The following PDE4D variants were observed in gnomAD, a reference collection of about 807,000 sequenced individuals.
PDE4D encodes phosphodiesterase 4D.
Under a neutral mutation model 87.4 loss-of-function variants are expected in PDE4D, and 24 were observed. The ratio of observed to expected loss-of-function variants is 0.27; its 90% CI spans 0.20 to 0.39. The LOEUF (loss-of-function observed/expected upper bound fraction) is 0.39, where lower values mean the gene tolerates loss of function less well. Ranked by LOEUF, PDE4D falls within the 10% of genes least tolerant of loss-of-function variation. The pLI, the probability that PDE4D is intolerant of heterozygous loss-of-function variation, is 1.00. For synonymous variants in PDE4D, 384 were observed against 383.2 expected (o/e 1.00, Z -0.02); for missense variants, 714 against 1,041.0 (o/e 0.69, Z 4.32).
At chr5:60,366,043 C>CAAAA (rs201694311) in intron 1 of PDE4D, among the ~76,000 whole-genome samples, 1 of 70,720 alleles carries the variant, frequency 1.4e-5, no homozygotes, top group African/African-American at 5.2e-5. Flanking sequence ...GACTCTGTCT[C>CAAAA]AAAAAAAAAA....
rs532104053 is a variant in PDE4D at position 59,524,162 on chromosome 5, T to C, written c.456-308194A>G. On this transcript the variant is annotated intron_variant, in intron 1 of 14. Coordinates refer to ENST00000340635, the MANE Select transcript of PDE4D (RefSeq NM_001104631.2). Reference sequence around the variant, plus strand: ...GGTAACAGGCAGAGGTTGGAACAGTTTGGAGGCCTCAGAAGAAGACAGGAA... The same window carrying C: ...GGTAACAGGCAGAGGTTGGAACAGTCTGGAGGCCTCAGAAGAAGACAGGAA... Among the ~76,000 whole-genome samples the C allele has an allele frequency of 5.9e-5, 9 of 152,246 alleles. No individual in the cohort carries two copies. The South Asian group carries it at 1.7e-3, about 28-fold the overall frequency.
intron 1 of PDE4D, among the ~76,000 whole-genome samples, chr5:60,332,377 T>G (rs1200128240): frequency 6.6e-6 from 1 of 152,138 alleles, no homozygotes; most frequent in Non-Finnish European, 1.5e-5. Context: ...GTTTCCATCT[T>G]TATGTCTGTG....
intron 1 of PDE4D, among the ~76,000 whole-genome samples, chr5:59,548,878 T>A (rs1220934424): frequency 6.6e-6 from 1 of 152,140 alleles, no homozygotes; most frequent in Non-Finnish European, 1.5e-5. Flanking sequence ...CCACTAGAAC[T>A]TTTTTCTGCT....
At chr5:59,570,126 C>T (rs1821582306) in intron 1 of PDE4D, among the ~76,000 whole-genome samples, 1 of 152,178 alleles carries the variant, frequency 6.6e-6, no homozygotes, top group Non-Finnish European at 1.5e-5. Flanking sequence ...CCTGTGATGA[C>T]ACAGTCAGTG....
intron 1 of PDE4D, among the ~76,000 whole-genome samples, chr5:60,395,034 C>A (rs1282651382): frequency 6.6e-6 from 1 of 152,168 alleles, no homozygotes; most frequent in Non-Finnish European, 1.5e-5. Context: ...TAAAGTGACC[C>A]ACCCGAGCCT....
Position 59,406,385 on chromosome 5 carries a change from TATC to T in PDE4D, c.456-190420_456-190418del, listed in dbSNP as rs869252727. 7.8e-3 allele frequency among the ~76,000 whole-genome samples: 681 copies of T among 86,970 alleles called. 41 individuals are homozygous for T. Among genetic ancestry groups the T allele is most frequent in the Admixed American group, 0.054 (478 of 8,812 alleles). 57.1% of individuals were successfully genotyped at this position (86,970 alleles called of 152,430 possible). On this transcript the variant is annotated intron_variant, in intron 1 of 14. Coordinates refer to ENST00000340635, the MANE Select transcript of PDE4D (RefSeq NM_001104631.2). Reference sequence around the variant, plus strand: ...TTGTAACGTCTCCCTTATCTTTCCTTATCTTTCCTTCCCCCCCCCCCCCCCCAT... The same window carrying T: ...TTGTAACGTCTCCCTTATCTTTCCTTTTTCCTTCCCCCCCCCCCCCCCCAT...
At chr5:59,982,393 C>T (rs937978729) in intron 3 of PDE4D, among the ~76,000 whole-genome samples, 9 of 152,088 alleles carry the variant, frequency 5.9e-5, no homozygotes, top group Admixed American at 2.0e-4. Context: ...TTGCTACCTC[C>T]CCCACATTTT....
intron 2 of PDE4D, among the ~76,000 whole-genome samples, chr5:60,042,935 G>A (rs993669828): frequency 5.9e-5 from 9 of 152,074 alleles, no homozygotes; most frequent in African/African-American, 1.4e-4. Context: ...AAAACTGGAT[G>A]GAGAATGAAT....
chr5:60,067,689 GC>G (rs1365959482), intron 2 of PDE4D, among the ~76,000 whole-genome samples: 1 of 151,740 alleles, frequency 6.6e-6, no homozygotes, highest in African/African-American at 2.4e-5. Context: ...GAAACTTTAC[GC>G]CCATTGTTTA....
At chr5:60,174,559 A>T (rs1342190989) in intron 2 of PDE4D, among the ~76,000 whole-genome samples, 1 of 152,096 alleles carries the variant, frequency 6.6e-6, no homozygotes, top group Non-Finnish European at 1.5e-5. Flanking sequence ...AAAAGGAAAG[A>T]CAAAATAAAA....
At chr5:59,062,659 T>C (rs904872918) in intron 5 of PDE4D, among the ~76,000 whole-genome samples, 36 of 151,424 alleles carry the variant, frequency 2.4e-4, no homozygotes, top group African/African-American at 8.5e-4. Context: ...CATAGAGTGA[T>C]ACTGCAAATG....
At chr5:59,064,199 C>T (rs561388571) in intron 5 of PDE4D, among the ~76,000 whole-genome samples, 1 of 152,044 alleles carries the variant, frequency 6.6e-6, no homozygotes, top group Non-Finnish European at 1.5e-5. Flanking sequence ...TGGAAAAAGA[C>T]ACAAATTCAG....
intron 1 of PDE4D, among the ~76,000 whole-genome samples, chr5:59,673,793 C>T (rs1167540301): frequency 1.3e-5 from 2 of 152,320 alleles, no homozygotes; most frequent in African/African-American, 4.8e-5. Context: ...CACCATCCTG[C>T]ATGGTCATTA....
chr5:59,654,535 G>A (rs1744044548), intron 1 of PDE4D, among the ~76,000 whole-genome samples: 1 of 152,192 alleles, frequency 6.6e-6, no homozygotes, highest in Admixed American at 6.5e-5. Flanking sequence ...AATAAATGAG[G>A]AGGGGCCACT....
At chr5:59,010,092 G>A (rs910430228) in intron 6 of PDE4D, among the ~76,000 whole-genome samples, 3 of 152,270 alleles carry the variant, frequency 2.0e-5, no homozygotes, top group African/African-American at 4.8e-5. Flanking sequence ...TTAGGAGGCC[G>A]AGGCAGGCAG....
intron 1 of PDE4D, 39 bp downstream of exon 1, chr5:59,893,129 C>T: frequency 6.6e-7 from 1 of 1,519,156 alleles, no homozygotes; most frequent in Non-Finnish European, 8.9e-7. Flanking sequence ...GGGGAGGTGA[C>T]CCTTTGCCTG....
At position 58,974,582 on chromosome 5, in the gene PDE4D, A is replaced by C; in HGVS notation, c.*82T>G. The C allele has an allele frequency of 1.6e-6, 2 of 1,284,942 alleles. No individual in the cohort carries two copies. Among genetic ancestry groups the C allele is most frequent in the African/African-American group, 1.5e-5 (1 of 67,320 alleles). 79.6% of individuals were successfully genotyped at this position (1,284,942 alleles called of 1,614,324 possible). ...TCCTGGCAGATGACAGTGAGGTGTG[A>C]CCGTGGTTGTGGCATGTGACATGCA... On this transcript the variant is annotated 3_prime_UTR_variant, in exon 15 of 15. Coordinates refer to ENST00000340635, the MANE Select transcript of PDE4D (RefSeq NM_001104631.2).
At chr5:60,091,672 T>C (rs1465888750) in intron 2 of PDE4D, among the ~76,000 whole-genome samples, 1 of 152,160 alleles carries the variant, frequency 6.6e-6, no homozygotes, top group East Asian at 1.9e-4. Context: ...ATTAAAAAGA[T>C]ATCTGCACTC....
rs993134835 is a variant in PDE4D, at chr5:59,451,680, T to A, written c.456-235712A>T. On this transcript the variant is annotated intron_variant, in intron 1 of 14. Coordinates refer to ENST00000340635, the MANE Select transcript of PDE4D (RefSeq NM_001104631.2). ...CCACCTCCTACCTCTATCTCTCAGA[T>A]AAGCTCACTTTCCTCCATTGCCTCT... is the stretch of plus-strand genomic sequence containing the variant. Among the ~76,000 whole-genome samples the A allele has an allele frequency of 2.0e-5, 3 of 152,356 alleles. No individual in the cohort carries two copies. The South Asian group carries it at 6.2e-4, about 32-fold the overall frequency.
Sources: allele counts gnomAD v4.1 joint callset (sites outside exome capture counted in the v4.1 genomes callset), GRCh38; gene constraint gnomAD v4.1.1; transcripts MANE v1.5; gene names NCBI Gene and HGNC (gene_info 2026-07-23, HGNC 2026-07-21).